Variants in EXOC2 observed in about 807,000 individuals in gnomAD.
EXOC2 encodes exocyst complex component 2.
Under a neutral mutation model 131.8 loss-of-function variants are expected in EXOC2, and 70 were observed. That is an observed-to-expected ratio of 0.53 (90% CI 0.44 to 0.65). EXOC2 has a LOEUF of 0.65. Among genes scored for constraint, EXOC2 ranks in the 30% least tolerant of loss-of-function variants. EXOC2 has a pLI of 0.00. For synonymous variants in EXOC2, 411 were observed against 398.4 expected, an observed-to-expected ratio of 1.03 and a Z score of -0.38; for missense variants, 923 against 1,108.6, an observed-to-expected ratio of 0.83 and a Z score of 2.38.
intron 22 of EXOC2, among the ~76,000 whole-genome samples, chr6:535,667 G>A (rs1321223446): frequency 6.6e-6 from 1 of 152,106 alleles, no homozygotes; most frequent in Admixed American, 6.5e-5. Flanking sequence ...TATAGACAAG[G>A]ACTTGACAAT....
In EXOC2 at chr6:576,740, T is replaced by C; in HGVS notation, c.1318+17A>G. The stretch of plus-strand genomic sequence containing the variant: ...ACAAATTTAAAAGACCCAGTGGCAG[T>C]GGAGGGAGATACTTACTGTCGTCTC... On this transcript the variant is annotated intron_variant, in intron 12 of 27. Transcript: ENST00000230449. 1 of 1,611,128 alleles carries C rather than the reference T, an allele frequency of 6.2e-7. No homozygotes were observed. Among genetic ancestry groups the C allele is most frequent in the Non-Finnish European group, 8.5e-7 (1 of 1,178,772 alleles).
At chr6:522,641 C>G (rs1483614776) in intron 23 of EXOC2, among the ~76,000 whole-genome samples, 1 of 149,324 alleles carries the variant, frequency 6.7e-6, no homozygotes, top group Non-Finnish European at 1.5e-5. Flanking sequence ...CAAGGTGTCT[C>G]CAGGTCTCAG....
intron 15 of EXOC2, 48 bp from the exon 16 acceptor site, chr6:564,202 A>T: frequency 3.8e-6 from 6 of 1,595,464 alleles, no homozygotes; most frequent in Non-Finnish European, 4.3e-6. Context: ...GGGATCGCAA[A>T]GCAATCCCTA....
At chr6:644,651 A>T (rs9328335) in intron 1 of EXOC2, among the ~76,000 whole-genome samples, 107,656 of 151,994 alleles carry the variant, frequency 0.71, 38,767 homozygotes, top group Middle Eastern at 0.88. Flanking sequence ...TTTAGCAAAG[A>T]CTTAGTATTC....
chr6:576,697 G>A, intron 12 of EXOC2, 60 bp downstream of exon 12: 1 of 1,587,282 alleles, frequency 6.3e-7, no homozygotes, highest in Non-Finnish European at 8.6e-7. Flanking sequence ...AGAGAAGAAT[G>A]TTTGAAATTA....
chr6:670,116 C>T (rs901822211), intron 1 of EXOC2: 5 of 152,266 alleles, frequency 3.3e-5, no homozygotes, highest in Non-Finnish European at 5.9e-5. Context: ...AGCCATCGTA[C>T]TTTTGCGTAC....
intron 25 of EXOC2, 126 bp from the exon 26 acceptor site, chr6:491,312 G>C (rs1357976839): frequency 4.7e-6 from 4 of 857,524 alleles, no homozygotes; most frequent in African/African-American, 3.4e-5. Context: ...CCACCATGGT[G>C]ACCGCCAGTC....
At chr6:504,062 C>T (rs1003925987) in intron 23 of EXOC2, among the ~76,000 whole-genome samples, 4 of 152,238 alleles carry the variant, frequency 2.6e-5, no homozygotes, top group Non-Finnish European at 1.5e-5. Context: ...GCCCGGCTCG[C>T]TGGCTCCATG....
intron 23 of EXOC2, among the ~76,000 whole-genome samples, chr6:505,197 G>A (rs146076678): frequency 3.5e-4 from 54 of 152,142 alleles, no homozygotes; most frequent in East Asian, 1.9e-4. Flanking sequence ...AACTGGAAAC[G>A]TTTGTCCTTG....
At chr6:505,612 C>T (rs1019627742) in intron 23 of EXOC2, among the ~76,000 whole-genome samples, 1 of 152,234 alleles carries the variant, frequency 6.6e-6, no homozygotes, top group Non-Finnish European at 1.5e-5. Flanking sequence ...TCTGCATTCC[C>T]AGGTGCTGCC....
chr6:560,278 G>A (rs911781039), intron 17 of EXOC2, among the ~76,000 whole-genome samples: 5 of 152,148 alleles, frequency 3.3e-5, no homozygotes, highest in Admixed American at 3.3e-4. Flanking sequence ...TAAGACTCTA[G>A]GGTCAGACAG....
At chr6:495,195 G>T (rs550518920) in intron 25 of EXOC2, among the ~76,000 whole-genome samples, 17 of 147,976 alleles carry the variant, frequency 1.1e-4, no homozygotes, top group Admixed American at 8.2e-4. Context: ...GTGCGATCTC[G>T]GCTCACTGCG....
intron 23 of EXOC2, among the ~76,000 whole-genome samples, chr6:512,538 A>G (rs1361143572): frequency 6.6e-6 from 1 of 152,258 alleles, no homozygotes; most frequent in Non-Finnish European, 1.5e-5. Flanking sequence ...TCTGGGCAAC[A>G]GCAGGCTATT....
chr6:488,272 TTCAG>T (rs1763204999), intron 27 of EXOC2, among the ~76,000 whole-genome samples: 1 of 152,208 alleles, frequency 6.6e-6, no homozygotes, highest in Non-Finnish European at 1.5e-5. Context: ...GTGCCAGCAT[TTCAG>T]TCAGTGCACC....
At chr6:573,492 A>G (rs765291032) in intron 12 of EXOC2, among the ~76,000 whole-genome samples, 1 of 152,096 alleles carries the variant, frequency 6.6e-6, no homozygotes, top group Admixed American at 6.6e-5. Context: ...GACGCCGCGG[A>G]TCAGGCTCTA....
chr6:492,573 G>C (rs1442588984), intron 25 of EXOC2, among the ~76,000 whole-genome samples: 1 of 152,202 alleles, frequency 6.6e-6, no homozygotes, highest in Non-Finnish European at 1.5e-5. Context: ...TATGTAAAAA[G>C]AAGCGAGGCA....
chr6:496,460 CTGGAG>C (rs1380464273), intron 25 of EXOC2, among the ~76,000 whole-genome samples: 1 of 152,188 alleles, frequency 6.6e-6, no homozygotes, highest in African/African-American at 2.4e-5. Context: ...GCTGGGCTGG[CTGGAG>C]TGGAGTCGGA....
intron 23 of EXOC2, among the ~76,000 whole-genome samples, chr6:515,814 G>A (rs1313929023): frequency 2.6e-5 from 4 of 152,192 alleles, no homozygotes; most frequent in African/African-American, 4.8e-5. Context: ...AAGGAGAGAC[G>A]CACACAGCTG....
intron 4 of EXOC2, among the ~76,000 whole-genome samples, chr6:625,518 C>CTTTTTTTTTTTTTT (rs796295514): frequency 9.3e-6 from 1 of 108,058 alleles, no homozygotes; most frequent in Non-Finnish European, 1.9e-5. Context: ...TGTTTCCGTT[C>CTTTTTTTTTTTTTT]TTTTTTTTTT....
Sources: allele counts gnomAD v4.1 joint callset (sites outside exome capture counted in the v4.1 genomes callset), GRCh38; gene constraint gnomAD v4.1.1; transcripts MANE v1.5; gene names NCBI Gene and HGNC (gene_info 2026-07-23, HGNC 2026-07-21).